DENND1A: variants seen among roughly 807,000 people sequenced by gnomAD.
DENND1A encodes DENN domain-containing protein 1A.
DENND1A carries 51 observed loss-of-function variants against 113.7 expected under a neutral mutation model. The observed-to-expected ratio is 0.45, with a 90% CI of 0.36 to 0.57. The LOEUF (loss-of-function observed/expected upper bound fraction) is 0.57, where lower values mean the gene tolerates loss of function less well. Ranked by LOEUF, DENND1A falls within the 20% of genes least tolerant of loss-of-function variation. The pLI, the probability that DENND1A is intolerant of heterozygous loss-of-function variation, is 0.00. For missense variants in DENND1A, 1,258 were observed against 1,395.9 expected (o/e 0.90, Z 1.57); for synonymous variants, 565 against 570.8 (o/e 0.99, Z 0.14).
chr9:123,686,541 G>T (rs1172827726), intron 5 of DENND1A, among the ~76,000 whole-genome samples: 5 of 152,166 alleles, frequency 3.3e-5, no homozygotes, highest in African/African-American at 1.2e-4. Context: ...TTCTTACTTT[G>T]CCAGCTCCAG....
At chr9:123,900,309 C>G (rs1851406546) in intron 1 of DENND1A, among the ~76,000 whole-genome samples, 1 of 152,186 alleles carries the variant, frequency 6.6e-6, no homozygotes, top group South Asian at 2.1e-4. Context: ...TATACAGCAA[C>G]TGAGTACCGT....
chr9:123,532,060 A>G (rs113854423), intron 13 of DENND1A, among the ~76,000 whole-genome samples: 12 of 152,258 alleles, frequency 7.9e-5, no homozygotes, highest in African/African-American at 2.9e-4. Context: ...GCTGGGGGCA[A>G]TTTTCTTCAT....
Position 123,754,015 on chromosome 9 carries a change from T to C in DENND1A, c.302+3688A>G, listed in dbSNP as rs536514072. ...AGCTAAATCCTGGAACCACAGGGGC[T>C]ACGTCTGCACAGATGCCATAACTGA... On this transcript the variant is annotated intron_variant, in intron 5 of 23. Transcript: ENST00000394215. Among the ~76,000 whole-genome samples the C allele has an allele frequency of 3.9e-5, 6 of 152,294 alleles. No homozygotes were observed. In the South Asian group the frequency reaches 1.2e-3, roughly 32 times the overall value.
chr9:123,756,920 T>C (rs926853757), intron 5 of DENND1A, among the ~76,000 whole-genome samples: 1 of 152,182 alleles, frequency 6.6e-6, no homozygotes, highest in Non-Finnish European at 1.5e-5. Context: ...TGCTGTGCCC[T>C]GGCTGTTCCA....
intron 2 of DENND1A, among the ~76,000 whole-genome samples, chr9:123,820,637 TCA>T (rs962004031): frequency 1.3e-5 from 2 of 152,214 alleles, no homozygotes; most frequent in Non-Finnish European, 2.9e-5. Flanking sequence ...TTGTGTTAAG[TCA>T]CTGAGTTTTG....
intron 11 of DENND1A, among the ~76,000 whole-genome samples, chr9:123,595,090 G>C (rs2059625194): frequency 6.6e-6 from 1 of 152,128 alleles, no homozygotes; most frequent in Non-Finnish European, 1.5e-5. Context: ...GCTCCTTCCT[G>C]CTCCACAAAA....
At chr9:123,719,634 A>ATT (rs150956719) in intron 5 of DENND1A, among the ~76,000 whole-genome samples, 1 of 148,334 alleles carries the variant, frequency 6.7e-6, no homozygotes, top group Non-Finnish European at 1.5e-5. Flanking sequence ...AGGTTTTCAG[A>ATT]TTTTTTTTTT....
At chr9:123,839,235 G>A (rs1408869895) in intron 2 of DENND1A, among the ~76,000 whole-genome samples, 1 of 152,178 alleles carries the variant, frequency 6.6e-6, no homozygotes, top group Non-Finnish European at 1.5e-5. Context: ...AAGAGATGAA[G>A]CCACCCTGGT....
At chr9:123,402,417 C>G (rs914768009) in intron 21 of DENND1A, 1 of 475,128 alleles carries the variant, frequency 2.1e-6, no homozygotes, top group Non-Finnish European at 4.3e-6. Flanking sequence ...CTTGACAGCT[C>G]GAAATCATTT....
chr9:123,473,856 G>A (rs1002925179), intron 13 of DENND1A, among the ~76,000 whole-genome samples: 4 of 152,138 alleles, frequency 2.6e-5, no homozygotes, highest in Admixed American at 6.5e-5. Flanking sequence ...GCAACACTGC[G>A]CCCAGTATGG....
intron 2 of DENND1A, among the ~76,000 whole-genome samples, chr9:123,875,288 G>A (rs942896573): frequency 3.3e-5 from 5 of 152,094 alleles, no homozygotes; most frequent in Admixed American, 6.5e-5. Flanking sequence ...GGGAGGGAGG[G>A]GCCTCTGGGG....
At position 123,382,044 on chromosome 9, in the gene DENND1A, A is replaced by T. The variant is rs2042301772; in HGVS notation, c.2601T>A (p.Asn867Lys). Residue 867 changes from asparagine to lysine, a missense_variant, in exon 24 of 24, where the codon AAT becomes AAA. By Grantham distance (94) the Asn-to-Lys change is moderately conservative. Transcript: ENST00000394215. ...STLPSRPATP[N>K]VATPFTPQFS... is the part of the protein sequence containing the mutation. The stretch of plus-strand genomic sequence containing the variant: ...ATTGGGGGGTGAATGGGGTGGCTAC[A>T]TTCGGGGTGGCGGGGCGTGACGGGA... 7.4e-7 allele frequency: 1 copy of T among 1,354,322 alleles called. No individual in the cohort carries two copies. The highest frequency in any genetic ancestry group is 9.5e-7 in the Non-Finnish European group (1 of 1,050,706). The allele number at this position is 1,354,322 out of a possible 1,614,324, so 83.9% of individuals were successfully genotyped here.
At chr9:123,466,143 C>T (rs941820941) in intron 13 of DENND1A, among the ~76,000 whole-genome samples, 12 of 152,032 alleles carry the variant, frequency 7.9e-5, no homozygotes, top group Non-Finnish European at 1.6e-4. Context: ...GGACTACAGG[C>T]GCCAGCCACC....
intron 6 of DENND1A, 22 bp downstream of exon 6, chr9:123,676,698 A>G (rs1407367591): frequency 6.2e-7 from 1 of 1,606,760 alleles, no homozygotes; most frequent in African/African-American, 1.3e-5. Context: ...GTTTAAAAGA[A>G]TTATTTTAAA....
At chr9:123,543,594 T>C (rs1461074118) in intron 13 of DENND1A, among the ~76,000 whole-genome samples, 1 of 152,204 alleles carries the variant, frequency 6.6e-6, no homozygotes, top group Non-Finnish European at 1.5e-5. Context: ...CTTCTGTCCC[T>C]GCTCCAGCCA....
At chr9:123,522,723 T>C (rs1287199042) in intron 13 of DENND1A, among the ~76,000 whole-genome samples, 1 of 152,198 alleles carries the variant, frequency 6.6e-6, no homozygotes, top group East Asian at 1.9e-4. Context: ...GCTCCTACTA[T>C]GTCCTGGGCT....
In DENND1A at chr9:123,383,100, C is replaced by T. The variant is rs1263340419; in HGVS notation, c.2020-475G>A. Among the ~76,000 whole-genome samples the T allele has an allele frequency of 3.3e-5, 5 of 152,202 alleles. No individual in the cohort carries two copies. In the South Asian group the frequency reaches 6.2e-4, roughly 19 times the overall value. On this transcript the variant is annotated intron_variant, in intron 23 of 23. Transcript: ENST00000394215. ...GTCCCTTTCTCCTGGCCCAGGTCCT[C>T]GTTCCCAGCAGGGAACACTCATGAA...
At chr9:123,684,453 A>G (rs1444489212) in intron 5 of DENND1A, among the ~76,000 whole-genome samples, 1 of 152,112 alleles carries the variant, frequency 6.6e-6, no homozygotes, top group African/African-American at 2.4e-5. Context: ...CCAGAGCCCA[A>G]CTGCACTGCC....
At chr9:123,742,557 C>A (rs1340511011) in intron 5 of DENND1A, among the ~76,000 whole-genome samples, 3 of 152,228 alleles carry the variant, frequency 2.0e-5, no homozygotes, top group Non-Finnish European at 4.4e-5. Flanking sequence ...TCAGCAATCT[C>A]AGTTCATCCT....
Sources: allele counts gnomAD v4.1 joint callset (sites outside exome capture counted in the v4.1 genomes callset), GRCh38; gene constraint gnomAD v4.1.1; transcripts MANE v1.5; gene names NCBI Gene and HGNC (gene_info 2026-07-23, HGNC 2026-07-21).